Variants in CTSO observed in about 807,000 individuals in gnomAD.
CTSO encodes the protein cathepsin O.
CTSO carries 40 observed loss-of-function variants against 42.4 expected under a neutral mutation model. That is an observed-to-expected ratio of 0.94 (90% confidence interval 0.73 to 1.23). The LOEUF is 1.23. Among genes scored for constraint, CTSO ranks in the 50% most tolerant of loss-of-function variants. The probability of loss-of-function intolerance (pLI) is 0.00; values close to 1 mark genes in which losing one functional copy is unlikely to be tolerated. For synonymous variants in CTSO, 156 were observed against 146.2 expected (o/e 1.07, Z -0.48); for missense variants, 441 against 396.0 (o/e 1.11, Z -0.96).
intron 1 of CTSO, among the ~76,000 whole-genome samples, chr4:155,943,574 A>G (rs910873447): frequency 6.6e-6 from 1 of 152,192 alleles, no homozygotes; most frequent in Admixed American, 6.5e-5. Context: ...GAAAAAAGAA[A>G]TAGACTGCAA....
chr4:155,940,761 T>C (rs1413014031), intron 3 of CTSO, among the ~76,000 whole-genome samples: 1 of 151,896 alleles, frequency 6.6e-6, no homozygotes, highest in Non-Finnish European at 1.5e-5. Context: ...GAGAATCTCT[T>C]GAACCTGGGA....
chr4:155,946,439 G>C (rs1350143489), intron 1 of CTSO, among the ~76,000 whole-genome samples: 2 of 152,098 alleles, frequency 1.3e-5, no homozygotes, highest in Non-Finnish European at 2.9e-5. Flanking sequence ...TCCAATAACA[G>C]TTACTTGGTT....
chr4:155,942,236 A>AT, intron 3 of CTSO, 81 bp downstream of exon 3: 1 of 1,184,022 alleles, frequency 8.4e-7, no homozygotes, highest in Non-Finnish European at 1.1e-6. Context: ...TGATGTTTCC[A>AT]TTACAACTTT....
intron 5 of CTSO, among the ~76,000 whole-genome samples, chr4:155,936,666 T>C (rs77759525): frequency 0.068 from 10,348 of 152,266 alleles, 499 homozygotes; most frequent in South Asian, 0.17. Flanking sequence ...TTTTAAAGCA[T>C]TTTTAATGAT....
At chr4:155,942,539 T>A in intron 2 of CTSO, 83 bp from the exon 3 acceptor site, 2 of 610,626 alleles carry the variant, frequency 3.3e-6, no homozygotes, top group Non-Finnish European at 4.4e-6. Context: ...ATTTGTTATA[T>A]ATAAAGACAA....
At chr4:155,945,356 T>A (rs1349060806) in intron 1 of CTSO, among the ~76,000 whole-genome samples, 2 of 152,164 alleles carry the variant, frequency 1.3e-5, no homozygotes, top group Non-Finnish European at 2.9e-5. Flanking sequence ...TGATTACAGA[T>A]GCTTCAGGCA....
intron 1 of CTSO, among the ~76,000 whole-genome samples, chr4:155,945,091 T>C (rs2110930877): frequency 6.6e-6 from 1 of 151,768 alleles, no homozygotes; most frequent in African/African-American, 2.4e-5. Flanking sequence ...AGCCTGTCTC[T>C]ACTAAAAATA....
intron 1 of CTSO, among the ~76,000 whole-genome samples, chr4:155,949,925 C>T (rs918138987): frequency 6.6e-6 from 1 of 152,146 alleles, no homozygotes; most frequent in East Asian, 1.9e-4. Context: ...AGGAAGGTCC[C>T]CCACAACAAA....
intron 5 of CTSO, among the ~76,000 whole-genome samples, chr4:155,932,090 T>C (rs1198350266): frequency 1.3e-5 from 2 of 152,090 alleles, no homozygotes; most frequent in Admixed American, 6.6e-5. Context: ...TCTCATATTG[T>C]AGTTTGAGTC....
At chr4:155,934,333 A>G (rs1743292185) in intron 5 of CTSO, among the ~76,000 whole-genome samples, 1 of 152,258 alleles carries the variant, frequency 6.6e-6, no homozygotes, top group South Asian at 2.1e-4. Flanking sequence ...ATGCCCAGGC[A>G]AAAGTTTGCT....
intron 1 of CTSO, among the ~76,000 whole-genome samples, chr4:155,945,502 A>C (rs1397067383): frequency 1.3e-5 from 2 of 152,220 alleles, no homozygotes. Flanking sequence ...TATCAGCTAA[A>C]GGCATTAAAT....
rs1020628264 is a variant in CTSO, at chr4:155,924,803, G to A, written c.*1233C>T. Reference sequence around the variant, plus strand: ...TCCTTTCTAGGCACATAGGATCATCGATCACTGTGTGGACGCAGGCTAATC... The same window carrying A: ...TCCTTTCTAGGCACATAGGATCATCAATCACTGTGTGGACGCAGGCTAATC... On this transcript the variant is annotated 3_prime_UTR_variant, in exon 8 of 8. Transcript: ENST00000433477. 2 of 152,216 alleles carry A rather than the reference G, an allele frequency of 1.3e-5. No individual in the cohort carries two copies. The highest frequency in any genetic ancestry group is 2.4e-5 in the African/African-American group (1 of 41,510). 9.4% of individuals were successfully genotyped at this position (152,216 alleles called of 1,614,324 possible). A position where few individuals can be genotyped will look rare whatever the true frequency, so the allele number is the denominator to read the frequency against.
intron 5 of CTSO, among the ~76,000 whole-genome samples, chr4:155,936,826 T>C (rs766902600): frequency 3.3e-5 from 5 of 152,216 alleles, no homozygotes. Context: ...CTTCCCTCTT[T>C]TCTCTAATCT....
chr4:155,934,407 G>A (rs941584706), intron 5 of CTSO, among the ~76,000 whole-genome samples: 1 of 152,206 alleles, frequency 6.6e-6, no homozygotes, highest in African/African-American at 2.4e-5. Flanking sequence ...TGTGGGGTTG[G>A]AGGCTCCACA....
rs552725205 is a variant in CTSO at position 155,949,630 on chromosome 4, C to T, written c.135+4083G>A. On this transcript the variant is annotated intron_variant, in intron 1 of 7. Transcript: ENST00000433477. ...GATTTTGAAGTTTCATAGGATAAAT[C>T]ATAAATTGTACACATAGATTTAAAA... Among the ~76,000 whole-genome samples the T allele has an allele frequency of 2.6e-4, 40 of 152,260 alleles. 1 individual carries two copies. The East Asian group carries it at 5.2e-3, about 20-fold the overall frequency.
chr4:155,940,238 C>T (rs1038747115), intron 3 of CTSO, among the ~76,000 whole-genome samples: 6 of 150,708 alleles, frequency 4.0e-5, no homozygotes, highest in African/African-American at 1.2e-4. Flanking sequence ...AATAAAAGAA[C>T]TAGTCCTGAA....
chr4:155,936,082 C>T (rs991460327), intron 5 of CTSO, among the ~76,000 whole-genome samples: 2 of 151,998 alleles, frequency 1.3e-5, no homozygotes, highest in African/African-American at 4.8e-5. Flanking sequence ...CACATCCTTC[C>T]CTTATACTCT....
intron 7 of CTSO, 135 bp downstream of exon 7, chr4:155,928,201 C>CT (rs142399936): frequency 0.75 from 282,599 of 377,518 alleles, 98,919 homozygotes; most frequent in Admixed American, 0.81. Context: ...TTGCAAAACA[C>CT]TTTTTTTTTT....
intron 6 of CTSO, 47 bp from the exon 7 acceptor site, chr4:155,928,475 T>C (rs1195650839): frequency 7.6e-7 from 1 of 1,312,108 alleles, no homozygotes; most frequent in Non-Finnish European, 1.1e-6. Context: ...CTCAAATTTG[T>C]TATGAATGTT....
Sources: allele counts gnomAD v4.1 joint callset (sites outside exome capture counted in the v4.1 genomes callset), GRCh38; gene constraint gnomAD v4.1.1; transcripts MANE v1.5; gene names NCBI Gene and HGNC (gene_info 2026-07-23, HGNC 2026-07-21).